ADAMTSL2: variants seen among roughly 807,000 people sequenced by gnomAD.
ADAMTSL2 encodes ADAMTS-like protein 2.
In ADAMTSL2, 55 loss-of-function variants were observed where a neutral mutation model predicts 117.0. The ratio of observed to expected loss-of-function variants is 0.47; its 90% confidence interval spans 0.38 to 0.59. The LOEUF (loss-of-function observed/expected upper bound fraction) is 0.59. Among genes scored for constraint, ADAMTSL2 ranks in the 20% least tolerant of loss-of-function variants. The pLI, the probability that ADAMTSL2 is intolerant of heterozygous loss-of-function variation, is 0.00. For synonymous variants in ADAMTSL2, 572 were observed against 566.4 expected (o/e 1.01, Z -0.14); for missense variants, 1,182 against 1,354.5 (o/e 0.87, Z 2.00).
intron 9 of ADAMTSL2, among the ~76,000 whole-genome samples, chr9:133,553,818 A>G (rs968181419): frequency 6.6e-6 from 1 of 152,192 alleles, no homozygotes; most frequent in Non-Finnish European, 1.5e-5. Context: ...GGGTCTTGAC[A>G]GGGGCCTCAG....
Position 133,539,887 on chromosome 9 carries a change from T to C in ADAMTSL2, c.412+14T>C. ...CTCTGTACCCGGGTACCTGCCGCCC[T>C]GGGGACCCACCTTGCAGGGAGCTGA... is the stretch of plus-strand genomic sequence containing the variant. On this transcript the variant is annotated intron_variant, in intron 5 of 18. Transcript: ENST00000651351. The C allele has an allele frequency of 1.3e-6, 2 of 1,550,328 alleles. No individual in the cohort carries two copies. The highest frequency in any genetic ancestry group is 1.7e-6 in the Non-Finnish European group (2 of 1,146,608).
intron 11 of ADAMTSL2, among the ~76,000 whole-genome samples, chr9:133,556,788 T>C (rs35457992): frequency 6.6e-6 from 1 of 151,984 alleles, no homozygotes; most frequent in Non-Finnish European, 1.5e-5. Flanking sequence ...AGCTTCCCTG[T>C]GTCAGGGGCC....
At chr9:133,556,608 T>C (rs2131143538) in intron 11 of ADAMTSL2, among the ~76,000 whole-genome samples, 1 of 152,304 alleles carries the variant, frequency 6.6e-6, no homozygotes, top group African/African-American at 2.4e-5. Flanking sequence ...AGAGTCCACC[T>C]GGGGCCAGGC....
At chr9:133,546,573 G>T (rs1005156951) in intron 8 of ADAMTSL2, among the ~76,000 whole-genome samples, 1 of 152,102 alleles carries the variant, frequency 6.6e-6, no homozygotes, top group African/African-American at 2.4e-5. Context: ...CCCAGGAAAG[G>T]CCTGGTGGTC....
chr9:133,540,348 C>A (rs1449071516), intron 5 of ADAMTSL2, among the ~76,000 whole-genome samples: 1 of 152,226 alleles, frequency 6.6e-6, no homozygotes, highest in African/African-American at 2.4e-5. Context: ...AGAGGGGGAA[C>A]CCCAGTATGG....
intron 12 of ADAMTSL2, among the ~76,000 whole-genome samples, chr9:133,563,844 GGA>G (rs1564508583): frequency 2.0e-4 from 6 of 29,388 alleles, no homozygotes; most frequent in East Asian, 7.8e-4. Flanking sequence ...AGAGAGAGAG[GGA>G]GAGAGAGAGA....
chr9:133,546,956 G>A, intron 8 of ADAMTSL2, 82 bp from the exon 9 acceptor site: 1 of 1,411,936 alleles, frequency 7.1e-7, no homozygotes, highest in Non-Finnish European at 1.0e-6. Flanking sequence ...GGGCAGGGCT[G>A]GTGGTGGTTC....
At position 133,557,643 on chromosome 9, in the gene ADAMTSL2, G is replaced by T. The variant is rs1189019606; in HGVS notation, c.1649+1713G>T. ...CCAGTCTGTCTGTGTCTTCAGCGTG[G>T]GCCCTCTTCACCTCCCAGGGCAGTC... is the stretch of plus-strand genomic sequence containing the variant. On this transcript the variant is annotated intron_variant, in intron 11 of 18. Coordinates refer to ENST00000651351, the MANE Select transcript of ADAMTSL2 (RefSeq NM_014694.4). The surrounding 1 kb of genome is among the most constrained non-coding windows in gnomAD (Gnocchi z 5.2). Among the ~76,000 whole-genome samples, 3 of 152,164 alleles carry T rather than the reference G, an allele frequency of 2.0e-5. No homozygotes were observed. The highest frequency in any genetic ancestry group is 7.2e-5 in the African/African-American group (3 of 41,452).
chr9:133,536,587 C>T lies in ADAMTSL2; in HGVS notation c.-126C>T, dbSNP rs773987435. On this transcript the variant is annotated 5_prime_UTR_variant, in exon 2 of 19. Transcript: ENST00000651351. Reference sequence around the variant, plus strand: ...GGGTCTGCCAGACAACCACGACCAACTAGTCCCAGATAACCTTGAGGCCTG... The same window carrying T: ...GGGTCTGCCAGACAACCACGACCAATTAGTCCCAGATAACCTTGAGGCCTG... 2 of 1,604,336 alleles carry T rather than the reference C, an allele frequency of 1.2e-6. No homozygotes were observed. Among genetic ancestry groups the T allele is most frequent in the Non-Finnish European group, 1.7e-6 (2 of 1,175,048 alleles).
chr9:133,562,448 CAGGCTCGCACCGCCGTGGGCGGCGTGGCG>C, intron 12 of ADAMTSL2, among the ~76,000 whole-genome samples: 1 of 149,434 alleles, frequency 6.7e-6, no homozygotes, highest in East Asian at 1.9e-4. Context: ...CCGGCTCGGC[CAGGCTCGCACCGCCGTGGGCGGCGTGGCG>C]GGCACCCGGC....
Position 133,570,218 on chromosome 9 carries a change from A to T in ADAMTSL2, c.2416-113A>T, listed in dbSNP as rs1373095943. 5.0e-6 allele frequency: 6 copies of T among 1,208,726 alleles called. No homozygotes were observed. In the Admixed American group the frequency reaches 1.3e-4, roughly 26 times the overall value. The allele number at this position is 1,208,726 out of a possible 1,614,324, so 74.9% of individuals were successfully genotyped here. The stretch of plus-strand genomic sequence containing the variant: ...CAGCCAGTTTGTTATGCACTGGAGC[A>T]TTCTCACCCAATTGCTATTGACCAG... On this transcript the variant is annotated intron_variant, in intron 16 of 18. Transcript: ENST00000651351.
intron 4 of ADAMTSL2, 86 bp from the exon 5 acceptor site, chr9:133,539,685 T>TGTCCCGGCTGTCCCGGCTGTCCCGGCC: frequency 7.4e-7 from 1 of 1,344,022 alleles, no homozygotes; most frequent in African/African-American, 1.4e-5. Context: ...CTGTCCCGGC[T>TGTCCCGGCTGTCCCGGCTGTCCCGGCC]GCAGCCACTT....
In ADAMTSL2 at chr9:133,536,564, G is replaced by A. The variant is rs1360679107; in HGVS notation, c.-149G>A. ...CGGGGGGTTCATCCTTCCCAACAGG[G>A]TCTGCCAGACAACCACGACCAACTA... On this transcript the variant is annotated splice_region_variant and 5_prime_UTR_variant, in exon 2 of 19. Transcript: ENST00000651351. The A allele has an allele frequency of 6.4e-7, 1 of 1,572,068 alleles. No individual in the cohort carries two copies. The highest frequency in any genetic ancestry group is 1.3e-5 in the African/African-American group (1 of 74,204).
intron 12 of ADAMTSL2, among the ~76,000 whole-genome samples, chr9:133,564,374 GGGA>G (rs1830877355): frequency 1.7e-5 from 1 of 57,620 alleles, no homozygotes; most frequent in Admixed American, 1.6e-4. Flanking sequence ...GGGAGAGAGA[GGGA>G]GAGAGAGGGA....
In ADAMTSL2 at chr9:133,566,612, G is replaced by A. The variant is rs1292719524; in HGVS notation, c.1748-324G>A. On this transcript the variant is annotated intron_variant, in intron 12 of 18. Coordinates refer to ENST00000651351, the MANE Select transcript of ADAMTSL2 (RefSeq NM_014694.4). The stretch of plus-strand genomic sequence containing the variant: ...GATGGGTGGTTGCTGAACGCCTGGC[G>A]ATGGGGGACACCTGACTGTGTTTGC... 2.0e-5 allele frequency among the ~76,000 whole-genome samples: 3 copies of A among 151,446 alleles called. 1 individual carries two copies. In the South Asian group the frequency reaches 6.3e-4, roughly 32 times the overall value.
chr9:133,568,671 G>A lies in ADAMTSL2; in HGVS notation c.2157G>A (p.Leu719=). The change falls in exon 15 of 19, where the codon CTG becomes CTA. Residue 719 remains leucine, a synonymous_variant. Coordinates refer to ENST00000651351, the MANE Select transcript of ADAMTSL2 (RefSeq NM_014694.4). ...RDIRCSEDEK[L]CDPNTRPVGE... ...TCCGCTGCTCGGAGGATGAGAAGCT[G>A]TGTGACCCCAACACCAGGCCTGTAG... The A allele has an allele frequency of 6.2e-7, 1 of 1,613,544 alleles. No homozygotes were observed. The highest frequency in any genetic ancestry group is 8.5e-7 in the Non-Finnish European group (1 of 1,180,012).
In ADAMTSL2 at chr9:133,555,585, C is replaced by A. The variant is rs1830586715; in HGVS notation, c.1304C>A (p.Thr435Asn). ...RDRNVTGTPL[T>N]GDKDDEEVDT... ...CGCAACGTCACGGGGACTCCTCTCA[C>A]CGGGGACAAGGATGACGAAGAGGTT... is the stretch of plus-strand genomic sequence containing the variant. The change falls in exon 11 of 19, where the codon ACC becomes AAC. Residue 435 changes from threonine (T) to asparagine (N), a missense_variant. By Grantham distance (65) the Thr-to-Asn change is moderately conservative. Coordinates refer to ENST00000651351, the MANE Select transcript of ADAMTSL2 (RefSeq NM_014694.4). 1 of 1,613,206 alleles carries A rather than the reference C, an allele frequency of 6.2e-7. No individual in the cohort carries two copies. The highest frequency in any genetic ancestry group is 1.7e-5 in the Admixed American group (1 of 60,034).
intron 15 of ADAMTSL2, among the ~76,000 whole-genome samples, chr9:133,569,045 G>A (rs775461260): frequency 1.5e-4 from 23 of 151,506 alleles, no homozygotes; most frequent in African/African-American, 2.4e-4. Context: ...CTGTCTCCCC[G>A]TCTCTGTTTG....
In ADAMTSL2 at chr9:133,575,046, G is replaced by A. The variant is rs1201233696; in HGVS notation, c.*182G>A. The A allele has an allele frequency of 8.2e-6, 5 of 610,250 alleles. No individual in the cohort carries two copies. The highest frequency in any genetic ancestry group is 1.8e-5 in the African/African-American group (1 of 54,324). 37.8% of individuals were successfully genotyped at this position (610,250 alleles called of 1,614,324 possible). A position where few individuals can be genotyped will look rare whatever the true frequency, so the allele number is the denominator to read the frequency against. ...CGTGGACCTTTGTGCTCCTGGGGCA[G>A]AGCCTCCGGCACCCAGTGGCCTCCC... On this transcript the variant is annotated 3_prime_UTR_variant, in exon 19 of 19. Coordinates refer to ENST00000651351, the MANE Select transcript of ADAMTSL2 (RefSeq NM_014694.4).
Sources: gnomAD v4.1 joint callset for allele counts (sites outside exome capture counted in the v4.1 genomes callset) on GRCh38, gnomAD v4.1.1 for gene constraint, Gnocchi (gnomAD v3.1) non-coding constraint, MANE v1.5 for transcripts, NCBI Gene and HGNC (gene_info 2026-07-23, HGNC 2026-07-21) for gene names.